The following GUCY2C variants were observed in gnomAD, a reference collection of about 807,000 sequenced individuals.
The protein encoded by GUCY2C is guanylyl cyclase C.
In GUCY2C, 118 loss-of-function variants were observed where a neutral mutation model predicts 131.1. The observed-to-expected ratio is 0.90, with a 90% CI of 0.78 to 1.05. GUCY2C has a LOEUF of 1.05. Among genes scored for constraint, GUCY2C ranks in the 50% least tolerant of loss-of-function variants. The pLI is 0.00. For synonymous variants in GUCY2C, 452 were observed against 457.8 expected, an observed-to-expected ratio of 0.99 and a Z score of 0.16; for missense variants, 1,161 against 1,304.4, an observed-to-expected ratio of 0.89 and a Z score of 1.69.
chr12:14,641,461 T>C (rs1398289985), intron 17 of GUCY2C, among the ~76,000 whole-genome samples: 1 of 152,226 alleles, frequency 6.6e-6, no homozygotes, highest in African/African-American at 2.4e-5. Context: ...TGAGGTCATA[T>C]GGCAATATGT....
chr12:14,613,050 C>T lies in GUCY2C; in HGVS notation c.*67G>A, dbSNP rs1946681685. 2 of 1,298,424 alleles carry T rather than the reference C, an allele frequency of 1.5e-6. No homozygotes were observed. The highest frequency in any genetic ancestry group is 2.2e-6 in the Non-Finnish European group (2 of 902,900). The allele number at this position is 1,298,424 out of a possible 1,614,324, so 80.4% of individuals were successfully genotyped here. A position where few individuals can be genotyped will look rare whatever the true frequency, so the allele number is the denominator to read the frequency against. ...CTCAGGAAAATGTAAGCTTTCAGGA[C>T]ACTTGAGGTCGCTGCCTCAGTGCAG... On this transcript the variant is annotated 3_prime_UTR_variant, in exon 27 of 27. Coordinates refer to ENST00000261170, the MANE Select transcript of GUCY2C (RefSeq NM_004963.4). This position sits in a 1 kb window ranked among gnomAD's most constrained non-coding sequence, Gnocchi z 4.9.
intron 12 of GUCY2C, among the ~76,000 whole-genome samples, chr12:14,655,726 A>G (rs2137045613): frequency 6.6e-6 from 1 of 152,280 alleles, no homozygotes; most frequent in Non-Finnish European, 1.5e-5. Context: ...TATATGGTGT[A>G]TGGAAGGTGT....
At chr12:14,628,396 T>C (rs1947067042) in intron 20 of GUCY2C, among the ~76,000 whole-genome samples, 1 of 152,214 alleles carries the variant, frequency 6.6e-6, no homozygotes, top group Non-Finnish European at 1.5e-5. Flanking sequence ...GACAAATTTA[T>C]AATCAGCTAA....
chr12:14,640,085 C>T (rs1371756358), intron 18 of GUCY2C, 135 bp from the exon 19 acceptor site: 5 of 649,126 alleles, frequency 7.7e-6, no homozygotes, highest in Non-Finnish European at 1.4e-5. Context: ...GAGCCTAGAC[C>T]AGCACTCAGT....
chr12:14,675,259 C>G (rs564854085), intron 7 of GUCY2C, among the ~76,000 whole-genome samples: 25 of 121,902 alleles, frequency 2.1e-4, no homozygotes, highest in African/African-American at 7.5e-4. Context: ...AGAAAAAAAA[C>G]TCTTCCTTGG....
chr12:14,650,607 C>T (rs1174518111), intron 15 of GUCY2C, among the ~76,000 whole-genome samples: 4 of 152,322 alleles, frequency 2.6e-5, no homozygotes, highest in Non-Finnish European at 5.9e-5. Context: ...TCTTAATTCT[C>T]CTGGCCAGCC....
At chr12:14,683,853 A>G (rs1186602714) in intron 3 of GUCY2C, among the ~76,000 whole-genome samples, 1 of 152,040 alleles carries the variant, frequency 6.6e-6, no homozygotes, top group African/African-American at 2.4e-5. Flanking sequence ...ACTGTTTTTC[A>G]TTTATTTTAG....
At chr12:14,650,977 T>C (rs1177619592) in intron 15 of GUCY2C, among the ~76,000 whole-genome samples, 1 of 152,156 alleles carries the variant, frequency 6.6e-6, no homozygotes, top group Non-Finnish European at 1.5e-5. Flanking sequence ...CCTGACCTCA[T>C]CTGGCAACTC....
At position 14,683,027 on chromosome 12, in the gene GUCY2C, A is replaced by C. The variant is rs757704041; in HGVS notation, c.611+15T>G. ...CCATGGCAAGTGCTAGTGAAATATT[A>C]ATGATCCTGCTTACCAGAAACAGTC... On this transcript the variant is annotated intron_variant, in intron 4 of 26. Transcript: ENST00000261170. 31 of 1,562,592 alleles carry C rather than the reference A, an allele frequency of 2.0e-5. No individual in the cohort carries two copies. The highest frequency in any genetic ancestry group is 2.6e-5 in the Non-Finnish European group (30 of 1,133,512).
chr12:14,623,786 C>T (rs1386627557), intron 21 of GUCY2C, among the ~76,000 whole-genome samples: 5 of 152,056 alleles, frequency 3.3e-5, no homozygotes, highest in African/African-American at 1.2e-4. Context: ...GGCACCTCCC[C>T]CTTTGCTCTC....
intron 24 of GUCY2C, among the ~76,000 whole-genome samples, 171 bp from the exon 25 acceptor site, chr12:14,616,898 G>T (rs1946774808): frequency 6.6e-6 from 1 of 152,086 alleles, no homozygotes; most frequent in Non-Finnish European, 1.5e-5. Context: ...GATAAGAAAT[G>T]GTATAGTTTG....
At chr12:14,682,708 C>T (rs1299024286) in intron 4 of GUCY2C, among the ~76,000 whole-genome samples, 1 of 152,198 alleles carries the variant, frequency 6.6e-6, no homozygotes, top group Non-Finnish European at 1.5e-5. Context: ...AAAACATTAA[C>T]TCCTGGCTTT....
At chr12:14,634,278 C>G (rs999051142) in intron 19 of GUCY2C, among the ~76,000 whole-genome samples, 1 of 152,150 alleles carries the variant, frequency 6.6e-6, no homozygotes, top group Non-Finnish European at 1.5e-5. Flanking sequence ...GATACTATAT[C>G]CAGCAAACTT....
chr12:14,614,253 G>A (rs537287752), intron 26 of GUCY2C, among the ~76,000 whole-genome samples: 29 of 152,282 alleles, frequency 1.9e-4, no homozygotes, highest in South Asian at 6.2e-4. Flanking sequence ...AGAACAAGAT[G>A]ATGACTGGTA....
intron 10 of GUCY2C, among the ~76,000 whole-genome samples, chr12:14,664,941 C>T (rs1592126950): frequency 1.3e-5 from 2 of 152,250 alleles, no homozygotes; most frequent in South Asian, 2.1e-4. Context: ...TGAGGGGGCG[C>T]GGTGTCTCAC....
At chr12:14,684,630 T>G (rs1565635617) in intron 3 of GUCY2C, among the ~76,000 whole-genome samples, 1 of 130,864 alleles carries the variant, frequency 7.6e-6, no homozygotes, top group Non-Finnish European at 1.6e-5. Context: ...CCTTCCTTCC[T>G]TTCCTTTCCT....
At chr12:14,655,776 A>G (rs1204621321) in intron 12 of GUCY2C, among the ~76,000 whole-genome samples, 2 of 152,196 alleles carry the variant, frequency 1.3e-5, no homozygotes, top group Admixed American at 6.5e-5. Flanking sequence ...CTGGGTTTAA[A>G]TTGTAGCTGT....
intron 15 of GUCY2C, among the ~76,000 whole-genome samples, chr12:14,648,005 G>A (rs899628085): frequency 5.3e-5 from 8 of 151,494 alleles, no homozygotes; most frequent in African/African-American, 1.9e-4. Flanking sequence ...TTGTTGCCCG[G>A]GCTGAAGTGC....
chr12:14,614,701 T>C, intron 26 of GUCY2C, 166 bp downstream of exon 26: 1 of 561,382 alleles, frequency 1.8e-6, no homozygotes, highest in Non-Finnish European at 3.1e-6. Flanking sequence ...GATAATCCCC[T>C]TCTTGCAGTC....
Sources: gnomAD v4.1 joint callset for allele counts (sites outside exome capture counted in the v4.1 genomes callset) on GRCh38, gnomAD v4.1.1 for gene constraint, Gnocchi (gnomAD v3.1) non-coding constraint, MANE v1.5 for transcripts, NCBI Gene and HGNC (gene_info 2026-07-23, HGNC 2026-07-21) for gene names.